The following SPTLC3 variants were observed in gnomAD, a reference collection of about 807,000 sequenced individuals.
SPTLC3 encodes serine palmitoyltransferase 3.
A neutral mutation model predicts 59.3 loss-of-function variants in SPTLC3; 36 were observed. The observed-to-expected ratio is 0.61, with a 90% CI of 0.47 to 0.80. The LOEUF is 0.80. Among genes scored for constraint, SPTLC3 ranks in the 30% least tolerant of loss-of-function variants. The probability of loss-of-function intolerance (pLI) is 0.00; values close to 1 mark genes in which losing one functional copy is unlikely to be tolerated. For missense variants in SPTLC3, 625 were observed against 685.1 expected (o/e 0.91, Z 0.98); for synonymous variants, 257 against 240.8 (o/e 1.07, Z -0.62).
Position 13,168,742 on chromosome 20 carries a change from T to A in SPTLC3, c.*3875T>A, listed in dbSNP as rs952784303. 9 of 152,170 alleles carry A rather than the reference T, an allele frequency of 5.9e-5. No homozygotes were observed. The highest frequency in any genetic ancestry group is 2.2e-4 in the African/African-American group (9 of 41,432). 9.4% of individuals were successfully genotyped at this position (152,170 alleles called of 1,614,324 possible). ...TTTGATTTATAGCAATAATAACAAT[T>A]GTAACAACAGCAATTAAGAACAGCA... On this transcript the variant is annotated 3_prime_UTR_variant, in exon 12 of 12. Transcript: ENST00000399002.
intron 9 of SPTLC3, among the ~76,000 whole-genome samples, chr20:13,151,858 T>C (rs567084312): frequency 2.6e-5 from 4 of 152,220 alleles, no homozygotes; most frequent in African/African-American, 7.2e-5. Context: ...TCAGGACCTC[T>C]ACCTAAAGTG....
intron 10 of SPTLC3, among the ~76,000 whole-genome samples, chr20:13,157,430 T>G (rs113125174): frequency 0.017 from 2,615 of 151,700 alleles, 38 homozygotes; most frequent in Non-Finnish European, 0.023. Flanking sequence ...AGAGTGAAAC[T>G]CCATGTCAAA....
chr20:13,052,369 C>G (rs1987533019), intron 2 of SPTLC3, among the ~76,000 whole-genome samples: 1 of 152,162 alleles, frequency 6.6e-6, no homozygotes. Flanking sequence ...CCACAGTCTT[C>G]ACAACCCGCA....
chr20:13,019,516 A>C (rs2122380836), intron 1 of SPTLC3, among the ~76,000 whole-genome samples: 2 of 152,260 alleles, frequency 1.3e-5, no homozygotes, highest in South Asian at 4.1e-4. Context: ...TTCCACCTTC[A>C]CTTTCCTGAG....
rs557851322 is a variant in SPTLC3, at chr20:13,069,349, C to G, written c.304-2907C>G. Among the ~76,000 whole-genome samples the G allele has an allele frequency of 2.6e-5, 4 of 152,252 alleles. No individual in the cohort carries two copies. In the East Asian group the frequency reaches 7.7e-4, roughly 29 times the overall value. On this transcript the variant is annotated intron_variant, in intron 2 of 11. Coordinates refer to ENST00000399002, the MANE Select transcript of SPTLC3 (RefSeq NM_018327.4). ...CCGAGTGGGTGTTTGAGCTCTAAAA[C>G]AGCAGTCCCCGATCTTTTTGGCACC... is the stretch of plus-strand genomic sequence containing the variant.
At chr20:13,130,296 G>T (rs2038093424) in intron 9 of SPTLC3, among the ~76,000 whole-genome samples, 1 of 152,208 alleles carries the variant, frequency 6.6e-6, no homozygotes, top group South Asian at 2.1e-4. Context: ...TTTCATGCAA[G>T]AGCTGCCTTA....
At chr20:13,147,462 G>A (rs559460678) in intron 9 of SPTLC3, among the ~76,000 whole-genome samples, 5 of 152,120 alleles carry the variant, frequency 3.3e-5, no homozygotes, top group African/African-American at 1.2e-4. Flanking sequence ...AACAGACGCT[G>A]GCTTCCTGCT....
chr20:13,014,790 A>T (rs1055730396), intron 1 of SPTLC3, among the ~76,000 whole-genome samples: 15 of 54,058 alleles, frequency 2.8e-4, no homozygotes, highest in Admixed American at 1.2e-3. Context: ...GTCTAAATTT[A>T]AAAAAAAAAA....
In SPTLC3 at chr20:13,108,126, G is replaced by A. The variant is rs114237749; in HGVS notation, c.827-1986G>A. On this transcript the variant is annotated intron_variant, in intron 6 of 11. Coordinates refer to ENST00000399002, the MANE Select transcript of SPTLC3 (RefSeq NM_018327.4). ...CTGAGGACAGCTTGGAAGGTGCCAT[G>A]CTAACAGGGGCCTCTCAGAGATGAG... 2.6e-3 allele frequency among the ~76,000 whole-genome samples: 400 copies of A among 152,242 alleles called. 2 individuals carry two copies. Among genetic ancestry groups the A allele is most frequent in the African/African-American group, 9.3e-3 (385 of 41,550 alleles).
intron 1 of SPTLC3, among the ~76,000 whole-genome samples, chr20:13,044,823 T>C (rs1209896142): frequency 6.6e-6 from 1 of 152,156 alleles, no homozygotes; most frequent in African/African-American, 2.4e-5. Flanking sequence ...AAGGAAAGTC[T>C]GACCCCTGAG....
At chr20:13,081,517 T>C (rs1243465459) in intron 4 of SPTLC3, among the ~76,000 whole-genome samples, 1 of 152,228 alleles carries the variant, frequency 6.6e-6, no homozygotes, top group African/African-American at 2.4e-5. Context: ...ATATGCAATA[T>C]GCCTAAAGTA....
rs1281478407 is a variant in SPTLC3, at chr20:13,079,862, T to C, written c.607+5365T>C. The C allele has an allele frequency of 7.1e-6, 3 of 424,672 alleles. No homozygotes were observed. The Admixed American group carries it at 8.1e-5, about 12-fold the overall frequency. The allele number at this position is 424,672 out of a possible 1,614,324, so 26.3% of individuals were successfully genotyped here. A position where few individuals can be genotyped will look rare whatever the true frequency, so the allele number is the denominator to read the frequency against. On this transcript the variant is annotated intron_variant, in intron 4 of 11. Transcript: ENST00000399002. ...GAAAATGGGCAGGCACTCTTCCCTG[T>C]TGGAGGTGAGGCAGCCTGCTCCCAA...
At position 13,126,491 on chromosome 20, in the gene SPTLC3, T is replaced by C. The variant is rs1030013551; in HGVS notation, c.1153-100T>C. The C allele has an allele frequency of 5.3e-5, 72 of 1,369,220 alleles. 1 individual carries two copies. The East Asian group carries it at 1.7e-3, about 31-fold the overall frequency. The allele number at this position is 1,369,220 out of a possible 1,614,324, so 84.8% of individuals were successfully genotyped here. The stretch of plus-strand genomic sequence containing the variant: ...TTCATCTTTTGAGCATGAGATCAAA[T>C]GTCTTTTGCTATGAGGATAGGGATG... On this transcript the variant is annotated intron_variant, in intron 8 of 11. Transcript: ENST00000399002.
At chr20:13,057,243 C>T (rs1437189335) in intron 2 of SPTLC3, among the ~76,000 whole-genome samples, 1 of 152,062 alleles carries the variant, frequency 6.6e-6, no homozygotes, top group Non-Finnish European at 1.5e-5. Flanking sequence ...AATACACTGC[C>T]CCACATGACA....
At position 13,049,134 on chromosome 20, in the gene SPTLC3, C is replaced by A. The variant is rs770021804; in HGVS notation, c.303+4C>A. Reference sequence around the variant, plus strand: ...TGTGGAAAGAAAAGAACAAAAAGTACGTATGCGCACCTCCCTGGATCTTTG... The same window carrying A: ...TGTGGAAAGAAAAGAACAAAAAGTAAGTATGCGCACCTCCCTGGATCTTTG... On this transcript the variant is annotated splice_donor_region_variant and intron_variant, in intron 2 of 11. Coordinates refer to ENST00000399002, the MANE Select transcript of SPTLC3 (RefSeq NM_018327.4). 7.4e-6 allele frequency: 12 copies of A among 1,612,326 alleles called. No individual in the cohort carries two copies. Among genetic ancestry groups the A allele is most frequent in the Non-Finnish European group, 1.0e-5 (12 of 1,179,252 alleles).
intron 4 of SPTLC3, among the ~76,000 whole-genome samples, chr20:13,088,711 C>T (rs557464965): frequency 3.4e-4 from 51 of 151,540 alleles, no homozygotes; most frequent in Non-Finnish European, 6.2e-4. Context: ...CTCTGCCTCC[C>T]AAGTTCAAGC....
chr20:13,060,414 T>TTATC (rs1238086388), intron 2 of SPTLC3, among the ~76,000 whole-genome samples: 1 of 144,064 alleles, frequency 6.9e-6, no homozygotes, highest in African/African-American at 2.6e-5. Flanking sequence ...ATTTATTTAT[T>TTATC]TATCTGGGGG....
At chr20:13,140,163 G>A (rs553054608) in intron 9 of SPTLC3, among the ~76,000 whole-genome samples, 1 of 152,292 alleles carries the variant, frequency 6.6e-6, no homozygotes, top group Non-Finnish European at 1.5e-5. Context: ...GGAAATAGTA[G>A]CATACAGACA....
At chr20:13,081,988 C>T (rs908766777) in intron 4 of SPTLC3, among the ~76,000 whole-genome samples, 1 of 152,168 alleles carries the variant, frequency 6.6e-6, no homozygotes, top group African/African-American at 2.4e-5. Context: ...TTGCCCTTCT[C>T]CTGACCGTGA....
Sources: allele counts gnomAD v4.1 joint callset (sites outside exome capture counted in the v4.1 genomes callset), GRCh38; gene constraint gnomAD v4.1.1; transcripts MANE v1.5; gene names NCBI Gene and HGNC (gene_info 2026-07-23, HGNC 2026-07-21).